NAV3: variants seen among roughly 807,000 people sequenced by gnomAD.
NAV3 encodes the protein neuron navigator 3, also known as pore membrane and/or filament interacting like protein 1.
A neutral mutation model predicts 244.7 loss-of-function variants in NAV3; 87 were observed. The ratio of observed to expected loss-of-function variants is 0.36; its 90% CI spans 0.30 to 0.42. NAV3 has a LOEUF of 0.42. Among genes scored for constraint, NAV3 ranks in the 20% least tolerant of loss-of-function variants. The pLI is 1.00. For missense variants in NAV3, 2,663 were observed against 2,893.3 expected, an observed-to-expected ratio of 0.92 and a Z score of 1.83; for synonymous variants, 1,126 against 1,042.2, an observed-to-expected ratio of 1.08 and a Z score of -1.55.
At chr12:77,580,030 TC>T (rs2136672531) in intron 2 of NAV3, among the ~76,000 whole-genome samples, 1 of 152,238 alleles carries the variant, frequency 6.6e-6, no homozygotes, top group South Asian at 2.1e-4. Flanking sequence ...GACTCATTAC[TC>T]CTTTCTCATC....
chr12:77,871,441 C>A (rs1880939515), intron 1 of NAV3, among the ~76,000 whole-genome samples: 1 of 152,110 alleles, frequency 6.6e-6, no homozygotes, highest in South Asian at 2.1e-4. Flanking sequence ...CTCCCCTAAT[C>A]CCCATCCCCC....
At chr12:77,696,766 C>A (rs1371934725) in intron 2 of NAV3, among the ~76,000 whole-genome samples, 2 of 152,122 alleles carry the variant, frequency 1.3e-5, no homozygotes, top group African/African-American at 2.4e-5. Flanking sequence ...CATGCATAGG[C>A]TTCCTACTCT....
intron 2 of NAV3, among the ~76,000 whole-genome samples, chr12:77,769,821 T>C (rs1869979371): frequency 6.6e-6 from 1 of 152,152 alleles, no homozygotes; most frequent in East Asian, 1.9e-4. Context: ...TTTAGTTAAC[T>C]AGGCAGTGAA....
intron 2 of NAV3, 82 bp from the exon 3 acceptor site, chr12:77,940,999 C>A: frequency 2.3e-6 from 2 of 881,698 alleles, no homozygotes; most frequent in Non-Finnish European, 3.6e-6. Context: ...TTTTTTTTTC[C>A]TGTTTTCGTG....
chr12:78,119,156 C>A, intron 14 of NAV3, 81 bp from the exon 15 acceptor site: 1 of 1,264,308 alleles, frequency 7.9e-7, no homozygotes, highest in Non-Finnish European at 1.1e-6. Flanking sequence ...AAGAAGCATT[C>A]ACATTTTACA....
At chr12:77,902,006 T>C (rs183544437) in intron 1 of NAV3, among the ~76,000 whole-genome samples, 5 of 152,338 alleles carry the variant, frequency 3.3e-5, no homozygotes, top group African/African-American at 1.2e-4. Context: ...ATTTAATAAG[T>C]GATTTTCTCA....
intron 2 of NAV3, among the ~76,000 whole-genome samples, chr12:77,714,159 T>C (rs1452671943): frequency 3.9e-5 from 6 of 152,082 alleles, no homozygotes; most frequent in African/African-American, 1.4e-4. Context: ...TTTCTCAAAA[T>C]CTTCCTCAGA....
chr12:77,711,556 T>C (rs1876112677), intron 2 of NAV3, among the ~76,000 whole-genome samples: 1 of 152,238 alleles, frequency 6.6e-6, no homozygotes, highest in African/African-American at 2.4e-5. Context: ...AAACAGGATC[T>C]GGTCCTTTTT....
At chr12:78,023,696 G>C (rs1877530113) in intron 9 of NAV3, among the ~76,000 whole-genome samples, 1 of 152,120 alleles carries the variant, frequency 6.6e-6, no homozygotes, top group Non-Finnish European at 1.5e-5. Context: ...GTTATAAATT[G>C]AGTACTATAA....
Position 77,831,192 on chromosome 12 carries a change from AGACAG to A in NAV3, c.-269_-265del. 1.2e-5 allele frequency: 1 copy of A among 85,972 alleles called. No homozygotes were observed. Among genetic ancestry groups the A allele is most frequent in the Admixed American group, 1.4e-4 (1 of 7,114 alleles). The allele number at this position is 85,972 out of a possible 1,614,324, so 5.3% of individuals were successfully genotyped here. On this transcript the variant is annotated 5_prime_UTR_variant, in exon 1 of 40. Transcript: ENST00000397909. ...GACAGAGAGAGAGAGAGAGAGAGAG[AGACAG>A]AGAGAGAGAGAGAGAGAGAGAAAGA...
chr12:78,132,900 A>G (rs1463721479), intron 18 of NAV3, among the ~76,000 whole-genome samples: 1 of 152,084 alleles, frequency 6.6e-6, no homozygotes, highest in Non-Finnish European at 1.5e-5. Flanking sequence ...TCTCTACTCT[A>G]GCACAAAATC....
chr12:77,978,286 GTTA>G (rs1868879857), intron 5 of NAV3, among the ~76,000 whole-genome samples: 2 of 152,178 alleles, frequency 1.3e-5, no homozygotes, highest in South Asian at 4.1e-4. Flanking sequence ...GATGTGAAGT[GTTA>G]TTATAATACA....
At chr12:77,692,987 C>G (rs1875106609) in intron 2 of NAV3, among the ~76,000 whole-genome samples, 1 of 151,938 alleles carries the variant, frequency 6.6e-6, no homozygotes, top group Non-Finnish European at 1.5e-5. Context: ...AGGAGTTAAC[C>G]AAGCAAATGT....
intron 12 of NAV3, among the ~76,000 whole-genome samples, chr12:78,111,431 C>T (rs1327538909): frequency 6.6e-6 from 1 of 151,898 alleles, no homozygotes; most frequent in Non-Finnish European, 1.5e-5. Flanking sequence ...ATTAAGACAA[C>T]CCAATAAAAA....
intron 1 of NAV3, among the ~76,000 whole-genome samples, chr12:77,910,401 G>A (rs2731418): frequency 0.11 from 16,787 of 151,976 alleles, 1,068 homozygotes; most frequent in South Asian, 0.2. Context: ...CATAGGGAGG[G>A]CACCAAGCCG....
At chr12:77,625,490 C>T (rs552468893) in intron 2 of NAV3, among the ~76,000 whole-genome samples, 3 of 152,216 alleles carry the variant, frequency 2.0e-5, no homozygotes, top group Non-Finnish European at 4.4e-5. Context: ...AAAAACTAGA[C>T]TTGTTTCTTA....
At chr12:77,952,080 A>C (rs563619108) in intron 3 of NAV3, among the ~76,000 whole-genome samples, 7 of 151,788 alleles carry the variant, frequency 4.6e-5, no homozygotes, top group East Asian at 1.9e-4. Flanking sequence ...AAAAAAAAAA[A>C]AAAACAGGTT....
chr12:77,727,670 T>G (rs1260308208), intron 2 of NAV3, among the ~76,000 whole-genome samples: 2 of 151,906 alleles, frequency 1.3e-5, no homozygotes, highest in African/African-American at 4.8e-5. Flanking sequence ...TTCTAAAAAT[T>G]CTGTTCTAAA....
intron 30 of NAV3, among the ~76,000 whole-genome samples, chr12:78,181,368 C>G (rs949479243): frequency 6.6e-6 from 1 of 151,796 alleles, no homozygotes; most frequent in Non-Finnish European, 1.5e-5. Flanking sequence ...TAATAATAAC[C>G]CCAATGACTT....
Sources: gnomAD v4.1 joint callset for allele counts (sites outside exome capture counted in the v4.1 genomes callset) on GRCh38, gnomAD v4.1.1 for gene constraint, MANE v1.5 for transcripts, NCBI Gene and HGNC (gene_info 2026-07-23, HGNC 2026-07-21) for gene names.